Variants in PTPRD observed in about 807,000 individuals in gnomAD.
PTPRD encodes the protein receptor-type tyrosine-protein phosphatase delta.
PTPRD carries 34 observed loss-of-function variants against 214.5 expected under a neutral mutation model. The ratio of observed to expected loss-of-function variants is 0.16; its 90% CI spans 0.12 to 0.21. The LOEUF (loss-of-function observed/expected upper bound fraction) is 0.21, where lower values mean the gene tolerates loss of function less well. Among genes scored for constraint, PTPRD ranks in the 10% least tolerant of loss-of-function variants. The pLI, the probability that PTPRD is intolerant of heterozygous loss-of-function variation, is 1.00. For synonymous variants in PTPRD, 1,128 were observed against 845.7 expected, an observed-to-expected ratio of 1.33 and a Z score of -5.79; for missense variants, 2,545 against 2,398.7, an observed-to-expected ratio of 1.06 and a Z score of -1.27.
chr9:8,722,107 T>TACATTA (rs2098505521), intron 12 of PTPRD, among the ~76,000 whole-genome samples: 1 of 148,284 alleles, frequency 6.7e-6, no homozygotes, highest in Admixed American at 6.9e-5. Context: ...GATTTCTCCA[T>TACATTA]ACATTAAGTA....
intron 43 of PTPRD, among the ~76,000 whole-genome samples, chr9:8,337,158 T>C (rs750650586): frequency 3.3e-5 from 5 of 152,350 alleles, no homozygotes; most frequent in South Asian, 4.1e-4. Context: ...CGTATGTTTA[T>C]TGTGGCACTA....
intron 2 of PTPRD, among the ~76,000 whole-genome samples, chr9:10,579,877 G>A (rs945145631): frequency 2.6e-5 from 4 of 151,888 alleles, no homozygotes; most frequent in African/African-American, 7.3e-5. Flanking sequence ...ATTTTTTCAC[G>A]TGTTTGTTGG....
chr9:9,379,967 C>T (rs1362257801), intron 9 of PTPRD, among the ~76,000 whole-genome samples: 1 of 151,954 alleles, frequency 6.6e-6, no homozygotes, highest in Non-Finnish European at 1.5e-5. Context: ...ATCTTATTTG[C>T]AACAAAGATA....
intron 2 of PTPRD, among the ~76,000 whole-genome samples, chr9:10,426,317 T>G (rs1270299803): frequency 6.6e-6 from 1 of 152,032 alleles, no homozygotes; most frequent in Non-Finnish European, 1.5e-5. Flanking sequence ...AGTTACTTTT[T>G]TTTCCTTTAA....
chr9:9,559,034 C>CG (rs1170009308), intron 8 of PTPRD, among the ~76,000 whole-genome samples: 2 of 152,216 alleles, frequency 1.3e-5, no homozygotes, highest in Admixed American at 1.3e-4. Flanking sequence ...CGTTCCAGTC[C>CG]GGGGGGGTAG....
intron 7 of PTPRD, among the ~76,000 whole-genome samples, chr9:9,677,082 G>C (rs537562212): frequency 1.3e-5 from 2 of 152,038 alleles, no homozygotes; most frequent in African/African-American, 4.8e-5. Flanking sequence ...TAGGTTGCCT[G>C]TTCACTCTGA....
intron 14 of PTPRD, among the ~76,000 whole-genome samples, chr9:8,530,155 G>C (rs1182014580): frequency 6.6e-6 from 1 of 152,026 alleles, no homozygotes; most frequent in Non-Finnish European, 1.5e-5. Context: ...TTCTAATGAA[G>C]AAGCTCCATT....
In PTPRD at chr9:9,676,732, C is replaced by T. The variant is rs561951382; in HGVS notation, c.-287+57801G>A. Among the ~76,000 whole-genome samples the T allele has an allele frequency of 1.2e-4, 18 of 152,228 alleles. No individual in the cohort carries two copies. The East Asian group carries it at 3.3e-3, about 28-fold the overall frequency. On this transcript the variant is annotated intron_variant, in intron 7 of 45. Coordinates refer to ENST00000381196, the MANE Select transcript of PTPRD (RefSeq NM_002839.4). ...CTTCCACAATGGTTGAACTAGTTTACAGTCCCACCAACGTGTAAAAGTGTT... is the reference window on the plus strand; with the variant it reads ...CTTCCACAATGGTTGAACTAGTTTATAGTCCCACCAACGTGTAAAAGTGTT...
At chr9:8,611,655 T>G (rs919799828) in intron 14 of PTPRD, among the ~76,000 whole-genome samples, 1 of 149,892 alleles carries the variant, frequency 6.7e-6, no homozygotes, top group African/African-American at 2.5e-5. Flanking sequence ...CAATGACCTG[T>G]GTGTGATCCA....
intron 2 of PTPRD, among the ~76,000 whole-genome samples, chr9:10,387,600 G>A (rs1031205836): frequency 6.6e-6 from 1 of 151,532 alleles, no homozygotes; most frequent in African/African-American, 2.4e-5. Context: ...GCTCAACTTT[G>A]AATAATACAT....
chr9:9,221,252 CAAT>C (rs1364953966), intron 9 of PTPRD, among the ~76,000 whole-genome samples: 9 of 152,088 alleles, frequency 5.9e-5, no homozygotes, highest in Admixed American at 4.6e-4. Context: ...CTCAGCCAAT[CAAT>C]GATGATGCAT....
intron 4 of PTPRD, among the ~76,000 whole-genome samples, chr9:9,989,016 CAAAAA>C (rs397836899): frequency 2.3e-3 from 82 of 36,246 alleles, no homozygotes; most frequent in Non-Finnish European, 3.8e-3. Flanking sequence ...TTTCACTGAC[CAAAAA>C]AAAAAAAAAA....
chr9:8,721,367 T>C (rs566216278), intron 12 of PTPRD, among the ~76,000 whole-genome samples: 8 of 148,802 alleles, frequency 5.4e-5, no homozygotes, highest in Non-Finnish European at 4.5e-5. Context: ...GAGTCAGAGG[T>C]TGCAGTGAGC....
At chr9:9,531,727 T>C (rs1406088679) in intron 8 of PTPRD, among the ~76,000 whole-genome samples, 1 of 152,120 alleles carries the variant, frequency 6.6e-6, no homozygotes, top group Non-Finnish European at 1.5e-5. Flanking sequence ...CAATGAATAT[T>C]TGTGCTCAAG....
chr9:10,428,296 G>A (rs1481186469), intron 2 of PTPRD, among the ~76,000 whole-genome samples: 1 of 152,060 alleles, frequency 6.6e-6, no homozygotes, highest in South Asian at 2.1e-4. Flanking sequence ...GACAGAGCAA[G>A]ACTCTGTCTT....
chr9:10,147,719 A>C (rs2099033151), intron 3 of PTPRD, among the ~76,000 whole-genome samples: 1 of 152,058 alleles, frequency 6.6e-6, no homozygotes, highest in African/African-American at 2.4e-5. Context: ...GTCTCTACTA[A>C]AAATAGAAAA....
In PTPRD at chr9:8,666,289, TAA is replaced by T. The variant is rs2097169220; in HGVS notation, c.65-29447_65-29446del. On this transcript the variant is annotated intron_variant, in intron 12 of 45. Coordinates refer to ENST00000381196, the MANE Select transcript of PTPRD (RefSeq NM_002839.4). ...TGATTATGATTCATTTCAAATATTT[TAA>T]GTGTTAAGTCAACATTCAATGCAGG... Among the ~76,000 whole-genome samples the T allele has an allele frequency of 2.0e-5, 3 of 152,224 alleles. No homozygotes were observed. In the South Asian group the frequency reaches 6.2e-4, roughly 31 times the overall value.
At chr9:9,683,463 A>G (rs565411075) in intron 7 of PTPRD, among the ~76,000 whole-genome samples, 2 of 151,870 alleles carry the variant, frequency 1.3e-5, no homozygotes, top group South Asian at 2.1e-4. Context: ...GGAAAAATAA[A>G]CATCAAAAAT....
rs117821076 is a variant in PTPRD, at chr9:9,128,828, A to T, written c.-143+54476T>A. ...CAGAGCAGAGAAGTTAGCGTAGTAT[A>T]CAAAGAATAGCAGTATTTTTCACTG... On this transcript the variant is annotated intron_variant, in intron 10 of 45. Transcript: ENST00000381196. Among the ~76,000 whole-genome samples, 56 of 152,370 alleles carry T rather than the reference A, an allele frequency of 3.7e-4. No individual in the cohort carries two copies. In the East Asian group the frequency reaches 0.01, roughly 28 times the overall value.
Sources: allele counts gnomAD v4.1 joint callset (sites outside exome capture counted in the v4.1 genomes callset), GRCh38; gene constraint gnomAD v4.1.1; transcripts MANE v1.5; gene names NCBI Gene and HGNC (gene_info 2026-07-23, HGNC 2026-07-21).